Variants in GRID1 observed in about 807,000 individuals in gnomAD.
The protein encoded by GRID1 is glutamate ionotropic receptor delta type subunit 1, also known as glutamate receptor ionotropic, delta-1.
In GRID1, 28 loss-of-function variants were observed where a neutral mutation model predicts 98.0. That is an observed-to-expected ratio of 0.29 (90% CI 0.21 to 0.39). GRID1 has a LOEUF of 0.39. GRID1 is among the 10% of genes least tolerant of loss of function. GRID1 has a pLI of 1.00. For missense variants in GRID1, 1,111 were observed against 1,340.5 expected (o/e 0.83, Z 2.67); for synonymous variants, 553 against 538.5 (o/e 1.03, Z -0.37).
chr10:85,917,868 G>A (rs1432488842), intron 4 of GRID1, among the ~76,000 whole-genome samples: 1 of 152,248 alleles, frequency 6.6e-6, no homozygotes, highest in African/African-American at 2.4e-5. Flanking sequence ...TAAAGAGCCA[G>A]AGCTCAAAGG....
intron 8 of GRID1, among the ~76,000 whole-genome samples, chr10:85,764,004 G>C (rs1163892355): frequency 3.3e-5 from 5 of 152,110 alleles, no homozygotes. Flanking sequence ...CAGAGAAGGA[G>C]CCCTCTGGAG....
chr10:86,250,181 CA>C (rs1846798559), intron 2 of GRID1, among the ~76,000 whole-genome samples: 1 of 152,144 alleles, frequency 6.6e-6, no homozygotes, highest in Non-Finnish European at 1.5e-5. Flanking sequence ...ACATTGCTTC[CA>C]GTGGCCAAAA....
At chr10:86,022,120 TAC>T (rs1350278398) in intron 4 of GRID1, among the ~76,000 whole-genome samples, 2 of 152,172 alleles carry the variant, frequency 1.3e-5, no homozygotes, top group Non-Finnish European at 1.5e-5. Context: ...TTTACATTCA[TAC>T]AGTCTTCTAA....
intron 4 of GRID1, among the ~76,000 whole-genome samples, chr10:85,940,984 T>C (rs1380497558): frequency 1.3e-5 from 2 of 152,294 alleles, no homozygotes; most frequent in African/African-American, 2.4e-5. Context: ...ACCATTCTGC[T>C]TGGGGAAGGC....
intron 12 of GRID1, among the ~76,000 whole-genome samples, chr10:85,692,455 A>G (rs1841344009): frequency 6.6e-6 from 1 of 152,068 alleles, no homozygotes; most frequent in South Asian, 2.1e-4. Context: ...TGACCCCAGG[A>G]GTTTGAGGCC....
intron 4 of GRID1, among the ~76,000 whole-genome samples, chr10:85,973,844 T>A (rs188055350): frequency 6.6e-6 from 1 of 152,216 alleles, no homozygotes; most frequent in Non-Finnish European, 1.5e-5. Context: ...CCAAAGAGCA[T>A]GGGTTCTGAA....
chr10:86,060,993 C>T (rs932953739), intron 4 of GRID1, among the ~76,000 whole-genome samples: 4 of 152,156 alleles, frequency 2.6e-5, no homozygotes, highest in African/African-American at 9.7e-5. Context: ...CCCCGCAGGA[C>T]TCCCTATGCC....
At chr10:86,024,284 A>G (rs531766246) in intron 4 of GRID1, among the ~76,000 whole-genome samples, 18 of 152,202 alleles carry the variant, frequency 1.2e-4, no homozygotes, top group African/African-American at 3.9e-4. Context: ...GGTGCAAACG[A>G]CCCATTTAAA....
At chr10:85,669,957 A>G (rs7080323) in intron 12 of GRID1, among the ~76,000 whole-genome samples, 11,829 of 152,290 alleles carry the variant, frequency 0.078, 663 homozygotes, top group African/African-American at 0.16. Flanking sequence ...AGTGAGGAAC[A>G]CTGACACACC....
intron 2 of GRID1, among the ~76,000 whole-genome samples, chr10:86,269,483 C>G (rs1423995176): frequency 2.0e-5 from 3 of 152,258 alleles, no homozygotes; most frequent in East Asian, 3.9e-4. Flanking sequence ...ATTTCTGGCT[C>G]TGCACACTGG....
chr10:86,143,837 C>T lies in GRID1; in HGVS notation c.521-4813G>A, dbSNP rs576135548. On this transcript the variant is annotated intron_variant, in intron 3 of 15. Transcript: ENST00000327946. ...CCTGCGCCTTAGAGAAAGGAGGCAG[C>T]TCGGGGTGCATGGGCCAGTCCACTC... Among the ~76,000 whole-genome samples, 67 of 152,328 alleles carry T rather than the reference C, an allele frequency of 4.4e-4. No individual in the cohort carries two copies. The South Asian group carries it at 0.013, about 30-fold the overall frequency.
At chr10:85,713,303 G>A (rs1329303730) in intron 12 of GRID1, among the ~76,000 whole-genome samples, 6 of 151,744 alleles carry the variant, frequency 4.0e-5, no homozygotes, top group Non-Finnish European at 8.9e-5. Flanking sequence ...GAATAATTTC[G>A]AAGAAATGGA....
At chr10:85,933,397 A>G (rs189617834) in intron 4 of GRID1, among the ~76,000 whole-genome samples, 249 of 152,170 alleles carry the variant, frequency 1.6e-3, no homozygotes, top group African/African-American at 5.7e-3. Flanking sequence ...AGATTATTTC[A>G]TCACCCAGGT....
chr10:86,333,833 A>AG (rs1206810063), intron 2 of GRID1, among the ~76,000 whole-genome samples: 1 of 152,142 alleles, frequency 6.6e-6, no homozygotes. Context: ...GAGTAGGCTG[A>AG]GGGGGAGGAA....
chr10:85,618,425 G>T (rs1408489347), intron 14 of GRID1, among the ~76,000 whole-genome samples: 1 of 152,120 alleles, frequency 6.6e-6, no homozygotes, highest in Admixed American at 6.5e-5. Context: ...GAACACCAAC[G>T]TGTTATAAAT....
chr10:85,670,867 T>C (rs560475916), intron 12 of GRID1, among the ~76,000 whole-genome samples: 1 of 152,326 alleles, frequency 6.6e-6, no homozygotes, highest in African/African-American at 2.4e-5. Flanking sequence ...CATCCAGTCA[T>C]AGATGGTTTG....
chr10:85,923,157 A>G (rs1422051016), intron 4 of GRID1, among the ~76,000 whole-genome samples: 1 of 151,750 alleles, frequency 6.6e-6, no homozygotes, highest in Non-Finnish European at 1.5e-5. Flanking sequence ...ATCTGTTCCC[A>G]TCTCACCCAT....
intron 3 of GRID1, among the ~76,000 whole-genome samples, chr10:86,185,754 G>C (rs974484527): frequency 6.6e-6 from 1 of 152,100 alleles, no homozygotes; most frequent in Non-Finnish European, 1.5e-5. Flanking sequence ...GGTGAATTAC[G>C]TCACTTGATT....
At chr10:85,743,111 C>CA (rs1019009246) in intron 8 of GRID1, among the ~76,000 whole-genome samples, 7 of 130,158 alleles carry the variant, frequency 5.4e-5, no homozygotes, top group Admixed American at 3.1e-4. Flanking sequence ...TGCAGCCCCC[C>CA]CCCCCACCAC....
Sources: allele counts gnomAD v4.1 joint callset (sites outside exome capture counted in the v4.1 genomes callset), GRCh38; gene constraint gnomAD v4.1.1; transcripts MANE v1.5; gene names NCBI Gene and HGNC (gene_info 2026-07-23, HGNC 2026-07-21).